The following XRCC6 variants were observed in gnomAD, a reference collection of about 807,000 sequenced individuals.
XRCC6 encodes X-ray repair cross complementing 6, also known as DNA repair protein Ku70.
XRCC6 carries 5 observed loss-of-function variants against 65.7 expected under a neutral mutation model. The observed-to-expected ratio is 0.08, with a 90% CI of 0.04 to 0.16. XRCC6 has a LOEUF of 0.16. XRCC6 is among the 10% of genes least tolerant of loss of function. XRCC6 has a pLI of 1.00. For synonymous variants in XRCC6, 270 were observed against 270.6 expected, an observed-to-expected ratio of 1.00 and a Z score of 0.02; for missense variants, 447 against 738.1, an observed-to-expected ratio of 0.61 and a Z score of 4.57.
chr22:41,650,966 A>C, intron 8 of XRCC6, 75 bp downstream of exon 8: 1 of 1,548,066 alleles, frequency 6.5e-7, no homozygotes, highest in Non-Finnish European at 8.9e-7. Flanking sequence ...GTAAATGGGC[A>C]CTGCTTGGAC....
chr22:41,646,336 C>G (rs928731482), intron 6 of XRCC6, among the ~76,000 whole-genome samples: 1 of 151,476 alleles, frequency 6.6e-6, no homozygotes, highest in East Asian at 1.9e-4. Context: ...ACAACTAGTA[C>G]AGTACTTACA....
intron 6 of XRCC6, among the ~76,000 whole-genome samples, chr22:41,641,855 C>T (rs1005179617): frequency 1.2e-4 from 18 of 152,184 alleles, no homozygotes; most frequent in Non-Finnish European, 1.8e-4. Context: ...TGCAATGGCG[C>T]GATCTCGGCT....
chr22:41,626,192 G>T (rs1038469623), intron 2 of XRCC6, among the ~76,000 whole-genome samples: 2 of 151,332 alleles, frequency 1.3e-5, no homozygotes, highest in South Asian at 4.2e-4. Flanking sequence ...ACGCAGGCTG[G>T]AGTGCAGTGG....
At chr22:41,633,960 G>C (rs1323242706) in intron 3 of XRCC6, among the ~76,000 whole-genome samples, 2 of 152,106 alleles carry the variant, frequency 1.3e-5, no homozygotes, top group Admixed American at 6.6e-5. Context: ...CCTAAAAGGA[G>C]CCCTTACCAG....
rs55862724 is a variant in XRCC6, at chr22:41,636,358, TG to T, written c.334+108del. 3.7e-3 allele frequency: 5,493 copies of T among 1,492,440 alleles called. 149 individuals are homozygous for T. In the African/African-American group the frequency reaches 0.061, roughly 16 times the overall value. The allele number at this position is 1,492,440 out of a possible 1,614,324, so 92.4% of individuals were successfully genotyped here. The stretch of plus-strand genomic sequence containing the variant: ...GCAAGTTACATCTTGTCTAGGAGTA[TG>T]CTTTCCTCCATAAGGGGACCTTGCT... On this transcript the variant is annotated intron_variant, in intron 4 of 12. Transcript: ENST00000360079.
intron 6 of XRCC6, among the ~76,000 whole-genome samples, chr22:41,641,434 C>T (rs2067875378): frequency 6.6e-6 from 1 of 152,124 alleles, no homozygotes; most frequent in South Asian, 2.1e-4. Context: ...TTATCTATCA[C>T]CTTAAGCACT....
intron 2 of XRCC6, among the ~76,000 whole-genome samples, chr22:41,622,970 G>A (rs1340051530): frequency 2.0e-5 from 3 of 151,236 alleles, no homozygotes; most frequent in Non-Finnish European, 4.4e-5. Context: ...GAGAAACATA[G>A]GAAATACAAA....
intron 8 of XRCC6, among the ~76,000 whole-genome samples, chr22:41,653,240 C>CA (rs1010693164): frequency 2.6e-5 from 4 of 151,840 alleles, no homozygotes; most frequent in African/African-American, 7.3e-5. Context: ...TTTGTCTCTA[C>CA]AAAAAATCTT....
chr22:41,627,829 G>A (rs926914664), intron 2 of XRCC6, among the ~76,000 whole-genome samples: 1 of 151,780 alleles, frequency 6.6e-6, no homozygotes, highest in Admixed American at 6.6e-5. Flanking sequence ...AGCTATCATC[G>A]CGTCACTGCA....
chr22:41,633,793 A>G (rs796676835), intron 3 of XRCC6, among the ~76,000 whole-genome samples: 6 of 152,282 alleles, frequency 3.9e-5, no homozygotes, highest in African/African-American at 1.2e-4. Flanking sequence ...CTTGATGCCT[A>G]AAGACCTCAG....
At chr22:41,633,538 G>A (rs1464201065) in intron 3 of XRCC6, among the ~76,000 whole-genome samples, 7 of 151,916 alleles carry the variant, frequency 4.6e-5, no homozygotes, top group South Asian at 4.2e-4. Flanking sequence ...CACCACACCC[G>A]GCTAATTTTT....
intron 9 of XRCC6, among the ~76,000 whole-genome samples, chr22:41,656,122 C>T (rs754254995): frequency 1.3e-5 from 2 of 148,786 alleles, no homozygotes; most frequent in Non-Finnish European, 3.0e-5. Context: ...GTCCCAGCTA[C>T]TTGATAGGCT....
chr22:41,632,190 G>A (rs181172440), intron 3 of XRCC6, among the ~76,000 whole-genome samples: 6 of 151,994 alleles, frequency 3.9e-5, no homozygotes, highest in Admixed American at 3.9e-4. Context: ...GAGAGGGAGA[G>A]GGATTACTGT....
intron 2 of XRCC6, among the ~76,000 whole-genome samples, chr22:41,627,483 C>T (rs975930335): frequency 1.3e-5 from 2 of 151,608 alleles, no homozygotes; most frequent in African/African-American, 2.4e-5. Context: ...TGGTGGCGGG[C>T]GTCTATAATC....
Position 41,621,844 on chromosome 22 carries a change from A to G in XRCC6, c.-15-146A>G, listed in dbSNP as rs28384709. On this transcript the variant is annotated intron_variant, in intron 1 of 12. Coordinates refer to ENST00000360079, the MANE Select transcript of XRCC6 (RefSeq NM_001469.5). Reference sequence around the variant, plus strand: ...CCCATGCGCATTTACATGCAGTCCGACTGCCGAGCTTTCGAGGCAGCAGGA... The same window carrying G: ...CCCATGCGCATTTACATGCAGTCCGGCTGCCGAGCTTTCGAGGCAGCAGGA... 2,172 of 695,334 alleles carry G rather than the reference A, an allele frequency of 3.1e-3. 32 individuals carry two copies. The African/African-American group carries it at 0.036, about 11-fold the overall frequency. 43.1% of individuals were successfully genotyped at this position (695,334 alleles called of 1,614,324 possible).
chr22:41,661,312 C>A lies in XRCC6; in HGVS notation c.1523-19C>A, dbSNP rs752423564. 6.2e-7 allele frequency: 1 copy of A among 1,608,546 alleles called. No homozygotes were observed. Among genetic ancestry groups the A allele is most frequent in the Admixed American group, 1.7e-5 (1 of 59,252 alleles). ...GCTCGTGACTCACCAGGCCACTCTT[C>A]TGTGTTTTGATTTTCTAGTGCCCAA... On this transcript the variant is annotated intron_variant, in intron 11 of 12. Transcript: ENST00000360079.
In XRCC6 at chr22:41,654,278, C is replaced by T. The variant is rs140178616; in HGVS notation, c.1291+588C>T. Among the ~76,000 whole-genome samples, 34 of 152,240 alleles carry T rather than the reference C, an allele frequency of 2.2e-4. No individual in the cohort carries two copies. The East Asian group carries it at 5.8e-3, about 26-fold the overall frequency. On this transcript the variant is annotated intron_variant, in intron 9 of 12. Coordinates refer to ENST00000360079, the MANE Select transcript of XRCC6 (RefSeq NM_001469.5). Reference sequence around the variant, plus strand: ...TGGGCGTTCTGGAGCACCTTTCCCTCGGGGTGGTTTTACATTTGAGATGAG... The same window carrying T: ...TGGGCGTTCTGGAGCACCTTTCCCTTGGGGTGGTTTTACATTTGAGATGAG...
chr22:41,659,580 T>C (rs2068081005), intron 11 of XRCC6, among the ~76,000 whole-genome samples: 1 of 152,114 alleles, frequency 6.6e-6, no homozygotes, highest in Non-Finnish European at 1.5e-5. Context: ...CCTCAAGTGA[T>C]CCACCTGTCT....
intron 2 of XRCC6, among the ~76,000 whole-genome samples, chr22:41,623,474 G>A (rs565108379): frequency 3.4e-4 from 52 of 151,696 alleles, no homozygotes; most frequent in African/African-American, 1.2e-3. Flanking sequence ...TGCAAGCTCC[G>A]CCTCCCGGGT....
Sources: gnomAD v4.1 joint callset for allele counts (sites outside exome capture counted in the v4.1 genomes callset) on GRCh38, gnomAD v4.1.1 for gene constraint, MANE v1.5 for transcripts, NCBI Gene and HGNC (gene_info 2026-07-23, HGNC 2026-07-21) for gene names.